The following NXN variants were observed in gnomAD, a reference collection of about 807,000 sequenced individuals.
The protein encoded by NXN is nucleoredoxin 1.
In NXN, 16 loss-of-function variants were observed where a neutral mutation model predicts 48.6. The ratio of observed to expected loss-of-function variants is 0.33; its 90% CI spans 0.22 to 0.50. The LOEUF is 0.50. Among genes scored for constraint, NXN ranks in the 20% least tolerant of loss-of-function variants. The pLI is 0.98. For missense variants in NXN, 492 were observed against 605.5 expected (o/e 0.81, Z 1.97); for synonymous variants, 281 against 269.6 (o/e 1.04, Z -0.41).
At chr17:843,044 GAAAGAAAGAAA>G (rs1914458003) in intron 1 of NXN, among the ~76,000 whole-genome samples, 2 of 134,988 alleles carry the variant, frequency 1.5e-5, no homozygotes, top group African/African-American at 6.2e-5. Flanking sequence ...AAGAAAGAAA[GAAAGAAAGAAA>G]GAAGGAAGAA....
intron 1 of NXN, among the ~76,000 whole-genome samples, chr17:897,745 G>A (rs1298658387): frequency 6.6e-6 from 1 of 151,954 alleles, no homozygotes; most frequent in East Asian, 1.9e-4. Context: ...GCACGATCTC[G>A]GCTCACTGCA....
rs540443572 is a variant in NXN, at chr17:920,854, T to C, written c.360+58465A>G. Reference sequence around the variant, plus strand: ...TCTCTTGCCTCAACCTCCCGAGTAGTTGGGATTACAGGCGCCCGCCACCAT... The same window carrying C: ...TCTCTTGCCTCAACCTCCCGAGTAGCTGGGATTACAGGCGCCCGCCACCAT... On this transcript the variant is annotated intron_variant, in intron 1 of 7. Transcript: ENST00000336868. This position sits in a 1 kb window ranked among gnomAD's most constrained non-coding sequence, Gnocchi z 4.6. Among the ~76,000 whole-genome samples, 19 of 151,954 alleles carry C rather than the reference T, an allele frequency of 1.3e-4. No individual in the cohort carries two copies. The highest frequency in any genetic ancestry group is 1.1e-3 in the Admixed American group (17 of 15,232).
intron 1 of NXN, among the ~76,000 whole-genome samples, chr17:847,748 G>C (rs1326759312): frequency 6.6e-6 from 1 of 151,926 alleles, no homozygotes; most frequent in Non-Finnish European, 1.5e-5. Context: ...TAACAGCAGG[G>C]AGAGAGAGAG....
At chr17:813,934 C>A (rs991525178) in intron 5 of NXN, among the ~76,000 whole-genome samples, 1 of 148,690 alleles carries the variant, frequency 6.7e-6, no homozygotes, top group African/African-American at 2.5e-5. Flanking sequence ...CCAATGTACT[C>A]CAGCCTCTGG....
At chr17:841,458 C>CGAGCAGGTCCCCCCGACCATGGA in intron 1 of NXN, among the ~76,000 whole-genome samples, 1 of 54,212 alleles carries the variant, frequency 1.8e-5, no homozygotes, top group South Asian at 5.9e-4. Flanking sequence ...CTGACCACGG[C>CGAGCAGGTCCCCCCGACCATGGA]GCATCTCACA....
intron 1 of NXN, among the ~76,000 whole-genome samples, chr17:952,770 C>A (rs7213990): frequency 1.7e-5 from 1 of 59,374 alleles, no homozygotes; most frequent in African/African-American, 6.1e-5. Flanking sequence ...TGGAGTCAGA[C>A]AGACCAAGGT....
intron 5 of NXN, among the ~76,000 whole-genome samples, chr17:809,784 G>A (rs2144588656): frequency 2.1e-5 from 2 of 96,442 alleles, no homozygotes; most frequent in East Asian, 7.8e-4. Context: ...AAACTGCCGA[G>A]CGCACAGTGC....
intron 1 of NXN, among the ~76,000 whole-genome samples, chr17:844,336 A>G (rs62067139): frequency 7.8e-6 from 1 of 129,032 alleles, no homozygotes; most frequent in African/African-American, 2.9e-5. Flanking sequence ...GAAGGTGGAG[A>G]CCAGGCCATC....
At chr17:900,548 G>C (rs928244680) in intron 1 of NXN, among the ~76,000 whole-genome samples, 7 of 152,166 alleles carry the variant, frequency 4.6e-5, no homozygotes, top group Non-Finnish European at 7.3e-5. Flanking sequence ...CATGGCATCA[G>C]GATCCTCCCA....
chr17:804,458 A>C (rs1911380356), intron 6 of NXN, among the ~76,000 whole-genome samples: 1 of 151,748 alleles, frequency 6.6e-6, no homozygotes, highest in African/African-American at 2.4e-5. Context: ...TCGTACAGTG[A>C]TTTTGAGTTG....
rs200946066 is a variant in NXN, at chr17:837,018, G to A, written c.361-10940C>T. 6.6e-5 allele frequency among the ~76,000 whole-genome samples: 10 copies of A among 150,940 alleles called. No homozygotes were observed. In the East Asian group the frequency reaches 7.8e-4, roughly 12 times the overall value. On this transcript the variant is annotated intron_variant, in intron 1 of 7. Coordinates refer to ENST00000336868, the MANE Select transcript of NXN (RefSeq NM_022463.5). ...TCTAGACCCAGAGTCTTGCTCTGTC[G>A]CCCAGGCTGGAGAGCAGTGACACAA...
intron 1 of NXN, among the ~76,000 whole-genome samples, chr17:951,054 C>T (rs1052824841): frequency 6.6e-5 from 10 of 151,658 alleles, no homozygotes; most frequent in East Asian, 3.9e-4. Flanking sequence ...AAAGCACTTC[C>T]GGCCGGGCAC....
At chr17:834,847 G>A (rs956634831) in intron 1 of NXN, among the ~76,000 whole-genome samples, 2 of 150,576 alleles carry the variant, frequency 1.3e-5, no homozygotes, top group Non-Finnish European at 3.0e-5. Flanking sequence ...GTAGAGACAG[G>A]GTTTCACCAT....
chr17:802,729 G>A (rs888717166), intron 7 of NXN, among the ~76,000 whole-genome samples: 2 of 152,192 alleles, frequency 1.3e-5, no homozygotes, highest in Admixed American at 6.5e-5. Context: ...GACTGGAGCC[G>A]CCTGGGAAGG....
chr17:924,329 T>C (rs1490331418), intron 1 of NXN, among the ~76,000 whole-genome samples: 2 of 152,194 alleles, frequency 1.3e-5, no homozygotes, highest in Admixed American at 6.5e-5. Flanking sequence ...CTCCACCTCC[T>C]GGGTTCAAGC....
chr17:865,815 C>T (rs1395163974), intron 1 of NXN, among the ~76,000 whole-genome samples: 2 of 151,834 alleles, frequency 1.3e-5, no homozygotes, highest in Non-Finnish European at 2.9e-5. Context: ...GAAACCCCAT[C>T]TCTACTAAAA....
chr17:938,770 A>G (rs750072369), intron 1 of NXN, among the ~76,000 whole-genome samples: 50 of 151,316 alleles, frequency 3.3e-4, no homozygotes, highest in Non-Finnish European at 5.9e-4. Flanking sequence ...AAAATTAAGA[A>G]CAGAACAGGC....
chr17:910,393 CAG>C (rs1431929371), intron 1 of NXN, among the ~76,000 whole-genome samples: 2 of 147,468 alleles, frequency 1.4e-5, no homozygotes, highest in African/African-American at 5.0e-5. Context: ...GCCTGGGTGA[CAG>C]AGTGAGACTC....
Position 902,240 on chromosome 17 carries a change from CG to C in NXN, c.361-76163del, listed in dbSNP as rs1336041383. On this transcript the variant is annotated intron_variant, in intron 1 of 7. Coordinates refer to ENST00000336868, the MANE Select transcript of NXN (RefSeq NM_022463.5). ...GCACGACGGACCCACGTCCGCCGTC[CG>C]TTCCAGACATAAGCCAACGCTCGCT... Among the ~76,000 whole-genome samples the C allele has an allele frequency of 2.6e-5, 4 of 152,218 alleles. No homozygotes were observed. The East Asian group carries it at 7.7e-4, about 29-fold the overall frequency.
Sources: allele counts gnomAD v4.1 joint callset (sites outside exome capture counted in the v4.1 genomes callset), GRCh38; gene constraint gnomAD v4.1.1; non-coding constraint Gnocchi (gnomAD v3.1); transcripts MANE v1.5; gene names NCBI Gene and HGNC (gene_info 2026-07-23, HGNC 2026-07-21).